The following TUB variants were observed in gnomAD, a reference collection of about 807,000 sequenced individuals.
The protein encoded by TUB is TUB bipartite transcription factor, also known as tubby protein homolog.
Under a neutral mutation model 59.7 loss-of-function variants are expected in TUB, and 33 were observed. The ratio of observed to expected loss-of-function variants is 0.55; its 90% confidence interval spans 0.42 to 0.74. The LOEUF (loss-of-function observed/expected upper bound fraction) is 0.74, where lower values mean the gene tolerates loss of function less well. Ranked by LOEUF, TUB falls within the 30% of genes least tolerant of loss-of-function variation. The pLI, the probability that TUB is intolerant of heterozygous loss-of-function variation, is 0.00. For synonymous variants in TUB, 293 were observed against 256.4 expected (o/e 1.14, Z -1.36); for missense variants, 659 against 672.0 (o/e 0.98, Z 0.21).
At chr11:8,098,731 TC>T in intron 8 of TUB, 26 bp from the exon 9 acceptor site, 1 of 1,550,506 alleles carries the variant, frequency 6.4e-7, no homozygotes, top group South Asian at 1.1e-5. Flanking sequence ...GGTGCATGAC[TC>T]TATACTGATT....
intron 2 of TUB, among the ~76,000 whole-genome samples, chr11:8,045,917 A>G (rs1589930420): frequency 6.6e-6 from 1 of 151,946 alleles, no homozygotes; most frequent in Non-Finnish European, 1.5e-5. Flanking sequence ...AACACAGAGT[A>G]TTTCCACCCT....
In TUB at chr11:8,085,830, G is replaced by A. The variant is rs540237301; in HGVS notation, c.39-3780G>A. Among the ~76,000 whole-genome samples the A allele has an allele frequency of 5.9e-5, 9 of 152,356 alleles. No homozygotes were observed. The South Asian group carries it at 1.5e-3, about 25-fold the overall frequency. ...AAACAGGCTAGAGGATGTTGGCTGT[G>A]TGTGCTTTTCCAGGGCACAGAATTG... On this transcript the variant is annotated intron_variant, in intron 1 of 11. Coordinates refer to ENST00000299506, the MANE Select transcript of TUB (RefSeq NM_177972.3).
At chr11:8,093,507 C>T (rs1428047935) in intron 3 of TUB, among the ~76,000 whole-genome samples, 2 of 152,252 alleles carry the variant, frequency 1.3e-5, no homozygotes, top group East Asian at 3.9e-4. Flanking sequence ...AGCTGGGACC[C>T]TTCTGAGACC....
exon 2 of TUB, chr11:8,039,679 A>G: frequency 1.9e-6 from 3 of 1,540,690 alleles, no homozygotes; most frequent in South Asian, 1.3e-5. Flanking sequence ...GAAGGAAGGA[A>G]GGGAGATCGC....
intron 9 of TUB, among the ~76,000 whole-genome samples, chr11:8,099,690 C>T (rs1423202571): frequency 6.6e-6 from 1 of 152,026 alleles, no homozygotes; most frequent in Non-Finnish European, 1.5e-5. Flanking sequence ...TTTATAAACA[C>T]TAAGAAGAAA....
In TUB at chr11:8,089,649, G is replaced by T; in HGVS notation, c.78G>T (p.Lys26Asn). The change falls in exon 2 of 12, where the codon AAG (lysine) becomes AAT (asparagine). Residue 26 changes from lysine (K) to asparagine (N), a missense_variant. Lys to Asn is a moderately conservative substitution (Grantham distance 94). Around this residue, in one of 3 missense-constraint regions of TUB, gnomAD observed 321 missense variants for 304.3 expected, o/e 1.05. Transcript: ENST00000299506. ...AGGGCAGAAACCTGAGGCAGCAGAA[G>T]CTTGATCGGCAGGTGAGTAGGCCTG... ...DDEGRNLRQQ[K>N]LDRQRALLEQ... is the part of the protein sequence containing the mutation. The T allele has an allele frequency of 1.2e-6, 2 of 1,614,216 alleles. No individual in the cohort carries two copies. Among genetic ancestry groups the T allele is most frequent in the Admixed American group, 1.7e-5 (1 of 60,034 alleles).
Position 8,101,848 on chromosome 11 carries a change from C to A in TUB, c.*229C>A. ...TGGGTGTGAAGGGATGAGAATAATTCTTTCCATGCCACGAGATCAACACAC... is the reference window on the plus strand; with the variant it reads ...TGGGTGTGAAGGGATGAGAATAATTATTTCCATGCCACGAGATCAACACAC... On this transcript the variant is annotated 3_prime_UTR_variant, in exon 12 of 12. Transcript: ENST00000299506. The A allele has an allele frequency of 2.2e-6, 1 of 452,124 alleles. No homozygotes were observed. Among genetic ancestry groups the A allele is most frequent in the Non-Finnish European group, 3.5e-6 (1 of 286,280 alleles). 28.0% of individuals were successfully genotyped at this position (452,124 alleles called of 1,614,324 possible). A position where few individuals can be genotyped will look rare whatever the true frequency, so the allele number is the denominator to read the frequency against.
intron 1 of TUB, among the ~76,000 whole-genome samples, chr11:8,030,368 C>T (rs1052296426): frequency 8.5e-5 from 13 of 152,132 alleles, no homozygotes; most frequent in Non-Finnish European, 1.5e-4. Context: ...AAATCCTGAG[C>T]CTGAGTCTCA....
At chr11:8,056,221 C>G (rs1943018658) in intron 2 of TUB, among the ~76,000 whole-genome samples, 1 of 152,188 alleles carries the variant, frequency 6.6e-6, no homozygotes. Context: ...TGCACCCTAG[C>G]TTTCCCACCT....
chr11:8,059,842 G>A (rs1484622421), intron 2 of TUB, among the ~76,000 whole-genome samples: 1 of 152,178 alleles, frequency 6.6e-6, no homozygotes, highest in Non-Finnish European at 1.5e-5. Context: ...TAATGTTCCT[G>A]GAGCAGGCAG....
Position 8,101,529 on chromosome 11 carries a change from G to T in TUB, c.1431G>T (p.Val477=), listed in dbSNP as rs778822103. 21 of 1,614,238 alleles carry T rather than the reference G, an allele frequency of 1.3e-5. No homozygotes were observed. Among genetic ancestry groups the T allele is most frequent in the Non-Finnish European group, 1.6e-5 (19 of 1,180,050 alleles). ...AGTTTGGCCGGGTAGCAGAGGATGT[G>T]TTCACCATGGATTACAACTACCCGC... The part of the protein sequence containing the change: ...VMQFGRVAED[V]FTMDYNYPLC... Residue 477 remains valine (V), a synonymous_variant, in exon 12 of 12, where the codon GTG becomes GTT. Coordinates refer to ENST00000299506, the MANE Select transcript of TUB (RefSeq NM_177972.3).
At chr11:8,036,722 G>A (rs1160569015), upstream of TUB, among the ~76,000 whole-genome samples, 1 of 152,218 alleles carries the variant, frequency 6.6e-6, no homozygotes, top group African/African-American at 2.4e-5. Flanking sequence ...AGGGAGCTAT[G>A]ACCCTTGAGA....
chr11:8,027,168 A>G (rs1417207397), intron 1 of TUB, among the ~76,000 whole-genome samples: 2 of 152,232 alleles, frequency 1.3e-5, no homozygotes, highest in Non-Finnish European at 2.9e-5. Context: ...AGTCCGTGGC[A>G]TCAGTTACAT....
intron 2 of TUB, among the ~76,000 whole-genome samples, chr11:8,049,604 T>TAGATAGATAGATAGATACAC (rs1554923472): frequency 6.8e-6 from 1 of 146,568 alleles, no homozygotes; most frequent in African/African-American, 2.5e-5. Flanking sequence ...GATAGATAGA[T>TAGATAGATAGATAGATACAC]ACACACACAC....
intron 1 of TUB, among the ~76,000 whole-genome samples, chr11:8,021,782 G>A (rs1006578398): frequency 2.0e-5 from 3 of 151,932 alleles, no homozygotes; most frequent in Non-Finnish European, 4.4e-5. Flanking sequence ...TGGGCGTGGT[G>A]TCGGGCGCCT....
chr11:8,042,174 C>G (rs1054038974), intron 2 of TUB, among the ~76,000 whole-genome samples: 2 of 151,792 alleles, frequency 1.3e-5, no homozygotes, highest in South Asian at 4.2e-4. Flanking sequence ...AATCTATTTT[C>G]TATCTTTATA....
chr11:8,083,177 G>A (rs997331354), intron 1 of TUB, among the ~76,000 whole-genome samples: 4 of 152,190 alleles, frequency 2.6e-5, no homozygotes, highest in Admixed American at 2.6e-4. Context: ...CTAGCCACGC[G>A]GCAGAGGTGC....
In TUB at chr11:8,097,092, A is replaced by T. The variant is rs143225616; in HGVS notation, c.688-136A>T. ...GAAGATAGCTTCTGACCCCAGGCCC[A>T]GGCTGGCCAGGCCCCAATCCCAGGA... is the stretch of plus-strand genomic sequence containing the variant. On this transcript the variant is annotated intron_variant, in intron 6 of 11. Transcript: ENST00000299506. 8 of 978,612 alleles carry T rather than the reference A, an allele frequency of 8.2e-6. No individual in the cohort carries two copies. The African/African-American group carries it at 9.7e-5, about 12-fold the overall frequency. 60.6% of individuals were successfully genotyped at this position (978,612 alleles called of 1,614,324 possible).
chr11:8,055,780 A>G (rs1943009946), intron 2 of TUB, among the ~76,000 whole-genome samples: 1 of 152,226 alleles, frequency 6.6e-6, no homozygotes, highest in Non-Finnish European at 1.5e-5. Context: ...CTGGCAAGGC[A>G]TAGGAAAGGA....
Sources: gnomAD v4.1 joint callset for allele counts (sites outside exome capture counted in the v4.1 genomes callset) on GRCh38, gnomAD v4.1.1 for gene constraint, gnomAD v4.1.1 regional missense constraint, MANE v1.5 for transcripts, NCBI Gene and HGNC (gene_info 2026-07-23, HGNC 2026-07-21) for gene names.